Variants in PRR14L observed in about 807,000 individuals in gnomAD.
The protein encoded by PRR14L is proline rich 14 like, also known as protein PRR14L.
PRR14L carries 80 observed loss-of-function variants against 155.0 expected under a neutral mutation model. The observed-to-expected ratio is 0.52, with a 90% CI of 0.43 to 0.62. PRR14L has a LOEUF of 0.62. PRR14L is among the 20% of genes least tolerant of loss of function. The pLI is 0.00. For missense variants in PRR14L, 2,469 were observed against 2,548.0 expected, an observed-to-expected ratio of 0.97 and a Z score of 0.67; for synonymous variants, 883 against 916.0, an observed-to-expected ratio of 0.96 and a Z score of 0.65.
At chr22:31,723,809 A>T (rs2074703103) in intron 3 of PRR14L, among the ~76,000 whole-genome samples, 1 of 152,208 alleles carries the variant, frequency 6.6e-6, no homozygotes, top group Non-Finnish European at 1.5e-5. Context: ...CTAAGAGTCA[A>T]ATCTGATGTT....
At chr22:31,698,382 T>G (rs1219497753) in intron 7 of PRR14L, among the ~76,000 whole-genome samples, 1 of 152,070 alleles carries the variant, frequency 6.6e-6, no homozygotes, top group Non-Finnish European at 1.5e-5. Flanking sequence ...TAAACTGCCC[T>G]GCCAATTGGT....
intron 3 of PRR14L, among the ~76,000 whole-genome samples, chr22:31,718,380 C>T (rs564400703): frequency 5.3e-5 from 8 of 151,966 alleles, no homozygotes; most frequent in Admixed American, 2.6e-4. Flanking sequence ...CTCAGCCTCC[C>T]GAGTAGCTGG....
intron 2 of PRR14L, among the ~76,000 whole-genome samples, chr22:31,731,473 C>G (rs1016541282): frequency 1.4e-5 from 2 of 143,698 alleles, no homozygotes; most frequent in African/African-American, 5.2e-5. Context: ...AAGGCTGAGG[C>G]AGGAGAATTG....
At chr22:31,733,556 C>T (rs977973099) in intron 2 of PRR14L, among the ~76,000 whole-genome samples, 1 of 152,182 alleles carries the variant, frequency 6.6e-6, no homozygotes, top group South Asian at 2.1e-4. Flanking sequence ...CCACCCGCCT[C>T]GGCCCCCCGA....
intron 1 of PRR14L, among the ~76,000 whole-genome samples, chr22:31,746,859 C>T (rs1478746237): frequency 2.0e-5 from 3 of 149,816 alleles, no homozygotes; most frequent in Non-Finnish European, 4.4e-5. Context: ...CGCAGTGGCG[C>T]GATCTTGGCT....
At chr22:31,700,064 CA>C (rs2074555329) in intron 7 of PRR14L, among the ~76,000 whole-genome samples, 1 of 152,164 alleles carries the variant, frequency 6.6e-6, no homozygotes, top group African/African-American at 2.4e-5. Flanking sequence ...CTGCGCCAGA[CA>C]CTGAGACAGT....
Position 31,716,378 on chromosome 22 carries a change from C to G in PRR14L, c.1461G>C (p.Leu487Phe), listed in dbSNP as rs375333783. The G allele has an allele frequency of 3.2e-6, 5 of 1,550,338 alleles. No homozygotes were observed. Among genetic ancestry groups the G allele is most frequent in the South Asian group, 1.2e-5 (1 of 83,684 alleles). Residue 487 changes from leucine to phenylalanine, a missense_variant, in exon 4 of 9, where the codon TTG (leucine) becomes TTC (phenylalanine). This residue lies in a region of PRR14L where 2,363 missense variants were observed against 2,371.6 expected (regional missense o/e 1.00). Coordinates refer to ENST00000327423, the MANE Select transcript of PRR14L (RefSeq NM_173566.3). ...LKITVHVQGN[L>F]TNPEDHKETF... ...TTTCTTTATGGTCCTCAGGGTTTGT[C>G]AAGTTACCTTGAACGTGTACAGTAA...
At chr22:31,724,318 T>C (rs1398958100) in intron 3 of PRR14L, among the ~76,000 whole-genome samples, 3 of 152,140 alleles carry the variant, frequency 2.0e-5, no homozygotes, top group Non-Finnish European at 2.9e-5. Flanking sequence ...CCCCACCAGA[T>C]CTGTGGAAAA....
rs116769557 is a variant in PRR14L, at chr22:31,713,156, C to A, written c.4683G>T (p.Ala1561=). 6.4e-7 allele frequency: 1 copy of A among 1,551,774 alleles called. No individual in the cohort carries two copies. The highest frequency in any genetic ancestry group is 1.2e-5 in the South Asian group (1 of 84,048). Residue 1561 remains alanine, a synonymous_variant, in exon 4 of 9, where the codon GCG becomes GCT. Transcript: ENST00000327423. The stretch of plus-strand genomic sequence containing the variant: ...GAGTACACAAACTGAGAAGTCTGTG[C>A]GCTTTTGTGGGGATGGGATTGGAAG... The part of the protein sequence containing the change: ...KSSSNPIPTK[A]HRLLSLCTLS...
Position 31,750,096 on chromosome 22 carries a change from C to T in PRR14L, c.-155G>A, listed in dbSNP as rs112046283. 0.011 allele frequency: 1,685 copies of T among 152,626 alleles called. 20 individuals carry two copies. The highest frequency in any genetic ancestry group is 0.013 in the Non-Finnish European group (890 of 68,270). The allele number at this position is 152,626 out of a possible 1,614,324, so 9.5% of individuals were successfully genotyped here. ...CCTGAGCCTACGGAGCCGACAGAGG[C>T]CGGGGGCGCTCCGGCCGCCGCCACC... On this transcript the variant is annotated 5_prime_UTR_variant, in exon 1 of 9. Coordinates refer to ENST00000327423, the MANE Select transcript of PRR14L (RefSeq NM_173566.3).
At position 31,716,549 on chromosome 22, in the gene PRR14L, A is replaced by G; in HGVS notation, c.1290T>C (p.Gly430=). The change falls in exon 4 of 9, where the codon GGT becomes GGC. Residue 430 remains glycine, a synonymous_variant. Transcript: ENST00000327423. ...PEKEISGRCS[G]EKEPVVSPKE... Reference sequence around the variant, plus strand: ...TTGGAGAAACAACAGGCTCTTTTTCACCAGAACAACGACCACTAATCTCCT... The same window carrying G: ...TTGGAGAAACAACAGGCTCTTTTTCGCCAGAACAACGACCACTAATCTCCT... 5 of 1,546,160 alleles carry G rather than the reference A, an allele frequency of 3.2e-6. No homozygotes were observed. The highest frequency in any genetic ancestry group is 4.4e-6 in the Non-Finnish European group (5 of 1,145,686).
intron 7 of PRR14L, among the ~76,000 whole-genome samples, chr22:31,695,923 C>T (rs965817723): frequency 6.6e-6 from 1 of 152,042 alleles, no homozygotes; most frequent in Non-Finnish European, 1.5e-5. Flanking sequence ...TTATAATAAA[C>T]TTCCCCTGTC....
Position 31,714,819 on chromosome 22 carries a change from T to G in PRR14L, c.3020A>C (p.Glu1007Ala), listed in dbSNP as rs1432813028. The stretch of plus-strand genomic sequence containing the variant: ...CAGATCCTTTTGGTTGTGGTTTACC[T>G]CCCCGTGAGGCTCGGTGACAGTCTC... Reference protein sequence around the residue: ...QRETVTEPHGEVNHNQKDLLV... With the variant: ...QRETVTEPHGAVNHNQKDLLV... Residue 1007 changes from glutamate (E) to alanine (A), a missense_variant, in exon 4 of 9, where the codon GAG becomes GCG. Glu to Ala is a moderately radical substitution (Grantham distance 107, BLOSUM62 -1). Transcript: ENST00000327423. 6.4e-7 allele frequency: 1 copy of G among 1,552,168 alleles called. No homozygotes were observed. Among genetic ancestry groups the G allele is most frequent in the African/African-American group, 1.4e-5 (1 of 73,174 alleles).
chr22:31,704,598 C>A (rs2074579797), intron 5 of PRR14L, 57 bp downstream of exon 5: 2 of 1,432,946 alleles, frequency 1.4e-6, no homozygotes, highest in South Asian at 1.2e-5. Flanking sequence ...TATGCACTCT[C>A]TCTCTTGCAC....
At chr22:31,710,481 C>G (rs1426799051) in intron 4 of PRR14L, among the ~76,000 whole-genome samples, 1 of 150,840 alleles carries the variant, frequency 6.6e-6, no homozygotes, top group African/African-American at 2.4e-5. Context: ...GAGACAGAGT[C>G]TCACTCTGTC....
rs1197659104 is a variant in PRR14L, at chr22:31,714,989, G to A, written c.2850C>T (p.Phe950=). The A allele has an allele frequency of 4.5e-6, 7 of 1,551,998 alleles. No homozygotes were observed. The highest frequency in any genetic ancestry group is 1.4e-5 in the African/African-American group (1 of 73,054). Residue 950 remains phenylalanine, a synonymous_variant, in exon 4 of 9, where the codon TTC becomes TTT. Coordinates refer to ENST00000327423, the MANE Select transcript of PRR14L (RefSeq NM_173566.3). ...KVLDQSPTVM[F]SSFKNVKSVE... The stretch of plus-strand genomic sequence containing the variant: ...CTGATTTTACATTTTTAAAACTGGA[G>A]AACATAACAGTAGGAGACTGGTCCA...
At chr22:31,733,356 G>C (rs1445802089) in intron 2 of PRR14L, among the ~76,000 whole-genome samples, 1 of 128,108 alleles carries the variant, frequency 7.8e-6, no homozygotes, top group Non-Finnish European at 1.6e-5. Context: ...TCAGGCTGGA[G>C]TGCAGTGGTG....
At chr22:31,695,712 T>C (rs1357839262) in intron 7 of PRR14L, among the ~76,000 whole-genome samples, 1 of 152,158 alleles carries the variant, frequency 6.6e-6, no homozygotes, top group African/African-American at 2.4e-5. Context: ...TGTTATTTCC[T>C]GCTTGCCCAG....
intron 2 of PRR14L, among the ~76,000 whole-genome samples, chr22:31,736,386 CAAAA>C (rs551156311): frequency 2.7e-5 from 2 of 75,366 alleles, no homozygotes; most frequent in Non-Finnish European, 2.7e-5. Context: ...AACTCTGTCT[CAAAA>C]AAAAAAAAAA....
Sources: allele counts gnomAD v4.1 joint callset (sites outside exome capture counted in the v4.1 genomes callset), GRCh38; gene constraint gnomAD v4.1.1; regional missense constraint gnomAD v4.1.1; transcripts MANE v1.5; gene names NCBI Gene and HGNC (gene_info 2026-07-23, HGNC 2026-07-21).